Variants in SH3BGRL2 observed in about 807,000 individuals in gnomAD.
SH3BGRL2 encodes SH3 domain binding glutamate rich protein like 2, also known as SH3 domain-binding glutamic acid-rich-like protein 2.
In SH3BGRL2, 21 loss-of-function variants were observed where a neutral mutation model predicts 14.8. The observed-to-expected ratio is 1.42, with a 90% CI of 1.01 to 2.05. The LOEUF (loss-of-function observed/expected upper bound fraction) is 2.05. SH3BGRL2 is among the 30% of genes most tolerant of loss of function. The probability of loss-of-function intolerance (pLI) is 0.00; values close to 1 mark genes in which losing one functional copy is unlikely to be tolerated. For synonymous variants in SH3BGRL2, 50 were observed against 47.8 expected (o/e 1.05, Z -0.19); for missense variants, 147 against 130.8 (o/e 1.12, Z -0.61).
the SH3BGRL2 span, among the ~76,000 whole-genome samples, chr6:79,545,260 G>A: frequency 2.0e-5 from 3 of 152,186 alleles, no homozygotes; most frequent in East Asian, 5.8e-4. Context: ...GCCTGTTTGG[G>A]CATGCTTGTG....
the SH3BGRL2 span, among the ~76,000 whole-genome samples, chr6:79,607,408 T>C: frequency 6.6e-6 from 1 of 152,188 alleles, no homozygotes; most frequent in African/African-American, 2.4e-5. Flanking sequence ...TTCTGGGCTC[T>C]TATTGCTTCC....
Position 79,671,956 on chromosome 6 carries a change from T to G in SH3BGRL2, c.46-1658T>G, listed in dbSNP as rs531178626. On this transcript the variant is annotated intron_variant, in intron 1 of 3. Coordinates refer to ENST00000369838, the MANE Select transcript of SH3BGRL2 (RefSeq NM_031469.4). ...TCTCCTACCTTGTTATTTGGGTGAT[T>G]TGCTATTAGTACTAGCTAATTTTCT... is the stretch of plus-strand genomic sequence containing the variant. Among the ~76,000 whole-genome samples, 5 of 152,372 alleles carry G rather than the reference T, an allele frequency of 3.3e-5. No individual in the cohort carries two copies. The South Asian group carries it at 1.0e-3, about 32-fold the overall frequency.
At chr6:79,612,683 T>C in the SH3BGRL2 span, among the ~76,000 whole-genome samples, 1 of 152,168 alleles carries the variant, frequency 6.6e-6, no homozygotes, top group African/African-American at 2.4e-5. Context: ...TCTAATTAAG[T>C]TCTGCCTAGG....
the SH3BGRL2 span, among the ~76,000 whole-genome samples, chr6:79,565,688 T>C: frequency 6.6e-6 from 1 of 152,202 alleles, no homozygotes; most frequent in Non-Finnish European, 1.5e-5. Context: ...CCACAATCAT[T>C]GTGGCAAACA....
At chr6:79,692,320 G>A (rs1193094304) in intron 2 of SH3BGRL2, among the ~76,000 whole-genome samples, 1 of 152,150 alleles carries the variant, frequency 6.6e-6, no homozygotes, top group East Asian at 1.9e-4. Flanking sequence ...TGTTCACTCT[G>A]ATGGTAGTTT....
At chr6:79,557,800 A>G in the SH3BGRL2 span, among the ~76,000 whole-genome samples, 3 of 152,190 alleles carry the variant, frequency 2.0e-5, no homozygotes, top group Non-Finnish European at 4.4e-5. Flanking sequence ...ATAGCTATCC[A>G]TTTTTATGTC....
rs761831782 is a variant in SH3BGRL2, at chr6:79,696,557, G to T, written c.304G>T (p.Ala102Ser). The T allele has an allele frequency of 6.4e-7, 1 of 1,561,406 alleles. No individual in the cohort carries two copies. ...ATTTTTAGGCCTGAAACCACGGTTG[G>T]CATCAAAGGTAGGTAAATCTTTTCT... is the stretch of plus-strand genomic sequence containing the variant. ...FSFLGLKPRLASKAEP is the reference protein window; with the variant it reads ...FSFLGLKPRLSSKAEP The change falls in exon 3 of 4, where the codon GCA becomes TCA. Residue 102 changes from alanine (A) to serine (S), a missense_variant. Ala to Ser is a moderately conservative substitution (Grantham distance 99, BLOSUM62 1). Coordinates refer to ENST00000369838, the MANE Select transcript of SH3BGRL2 (RefSeq NM_031469.4).
At chr6:79,579,356 C>A in the SH3BGRL2 span, among the ~76,000 whole-genome samples, 41 of 152,202 alleles carry the variant, frequency 2.7e-4, no homozygotes, top group Admixed American at 2.4e-3. Context: ...GTCAGATTCA[C>A]CAAGGTTGAA....
the SH3BGRL2 span, among the ~76,000 whole-genome samples, chr6:79,572,100 A>G: frequency 6.6e-5 from 10 of 152,204 alleles, no homozygotes; most frequent in Middle Eastern, 3.4e-3. Flanking sequence ...GGATATCACC[A>G]GTTTTTCCAC....
chr6:79,561,583 AAAAT>A, the SH3BGRL2 span: 2 of 152,224 alleles, frequency 1.3e-5, no homozygotes. Context: ...TAAATAAACT[AAAAT>A]AAAGATTTTA....
At chr6:79,545,136 A>T in the SH3BGRL2 span, among the ~76,000 whole-genome samples, 1 of 152,146 alleles carries the variant, frequency 6.6e-6, no homozygotes, top group Non-Finnish European at 1.5e-5. Context: ...AATCTTCCCA[A>T]CTGAACTTCT....
In SH3BGRL2 at chr6:79,702,157, C is replaced by T. The variant is rs1770471535; in HGVS notation, c.*2648C>T. On this transcript the variant is annotated 3_prime_UTR_variant, in exon 4 of 4. Coordinates refer to ENST00000369838, the MANE Select transcript of SH3BGRL2 (RefSeq NM_031469.4). ...AGAAGAGGAAAGCAAGGTATTTTTT[C>T]ACCTCAGATTCTAATATATTCTAGA... 1 of 152,434 alleles carries T rather than the reference C, an allele frequency of 6.6e-6. No homozygotes were observed. The highest frequency in any genetic ancestry group is 2.1e-4 in the South Asian group (1 of 4,820). 9.4% of individuals were successfully genotyped at this position (152,434 alleles called of 1,614,324 possible). A position where few individuals can be genotyped will look rare whatever the true frequency, so the allele number is the denominator to read the frequency against.
the SH3BGRL2 span, among the ~76,000 whole-genome samples, chr6:79,605,725 AG>A: frequency 6.6e-6 from 1 of 152,242 alleles, no homozygotes; most frequent in East Asian, 1.9e-4. Flanking sequence ...TCAAAATGTG[AG>A]TTTTGCAAAG....
the SH3BGRL2 span, among the ~76,000 whole-genome samples, chr6:79,540,503 T>A: frequency 6.6e-6 from 1 of 152,128 alleles, no homozygotes; most frequent in Admixed American, 6.5e-5. Context: ...TGGGCTGCTC[T>A]GATGAAAACA....
chr6:79,564,009 G>T, the SH3BGRL2 span, among the ~76,000 whole-genome samples: 2 of 152,112 alleles, frequency 1.3e-5, no homozygotes, highest in African/African-American at 4.8e-5. Flanking sequence ...TAAAAAAACT[G>T]TTAGCAAAGA....
intron 1 of SH3BGRL2, among the ~76,000 whole-genome samples, chr6:79,670,070 A>G (rs1769742761): frequency 6.6e-6 from 1 of 152,264 alleles, no homozygotes; most frequent in Non-Finnish European, 1.5e-5. Context: ...GAAAGCAGAC[A>G]TAGACAATAT....
chr6:79,688,850 C>A (rs943258727), intron 2 of SH3BGRL2, among the ~76,000 whole-genome samples: 1 of 152,012 alleles, frequency 6.6e-6, no homozygotes, highest in African/African-American at 2.4e-5. Context: ...TCTATCATAT[C>A]TACTTTTTGC....
chr6:79,666,997 T>C (rs1468456427), intron 1 of SH3BGRL2, among the ~76,000 whole-genome samples: 1 of 152,228 alleles, frequency 6.6e-6, no homozygotes, highest in Non-Finnish European at 1.5e-5. Flanking sequence ...CAGGTGCCCA[T>C]TACTGCTTAG....
chr6:79,597,338 A>AG, the SH3BGRL2 span, among the ~76,000 whole-genome samples: 1 of 150,240 alleles, frequency 6.7e-6, no homozygotes, highest in African/African-American at 2.4e-5. Flanking sequence ...AGAAAAGAAA[A>AG]AAGAAAAGAA....
Sources: allele counts gnomAD v4.1 joint callset (sites outside exome capture counted in the v4.1 genomes callset), GRCh38; gene constraint gnomAD v4.1.1; transcripts MANE v1.5; gene names NCBI Gene and HGNC (gene_info 2026-07-23, HGNC 2026-07-21).